Variants in PTPN3 observed in about 807,000 individuals in gnomAD.
The protein encoded by PTPN3 is protein tyrosine phosphatase non-receptor type 3.
PTPN3 carries 96 observed loss-of-function variants against 132.7 expected under a neutral mutation model. The observed-to-expected ratio is 0.72, with a 90% CI of 0.61 to 0.86. The LOEUF is 0.86. PTPN3 is among the 40% of genes least tolerant of loss of function. PTPN3 has a pLI of 0.00. For missense variants in PTPN3, 1,125 were observed against 1,159.6 expected, an observed-to-expected ratio of 0.97 and a Z score of 0.43; for synonymous variants, 398 against 429.0, an observed-to-expected ratio of 0.93 and a Z score of 0.89.
chr9:109,396,620 G>A (rs1351234253), intron 19 of PTPN3, among the ~76,000 whole-genome samples: 1 of 152,156 alleles, frequency 6.6e-6, no homozygotes, highest in Non-Finnish European at 1.5e-5. Flanking sequence ...TTCTATCAGA[G>A]TATAGTTATA....
intron 1 of PTPN3, among the ~76,000 whole-genome samples, chr9:109,484,430 G>A (rs1172442946): frequency 6.6e-6 from 1 of 152,220 alleles, no homozygotes; most frequent in East Asian, 1.9e-4. Flanking sequence ...TGTGCTGAGA[G>A]CTAACACTGA....
intron 1 of PTPN3, among the ~76,000 whole-genome samples, chr9:109,488,372 T>C (rs1489720885): frequency 6.6e-6 from 1 of 152,168 alleles, no homozygotes; most frequent in Non-Finnish European, 1.5e-5. Flanking sequence ...AGTGCTAGGA[T>C]TACAGGCATG....
chr9:109,512,305 G>C, the PTPN3 span, among the ~76,000 whole-genome samples: 1 of 152,040 alleles, frequency 6.6e-6, no homozygotes, highest in Non-Finnish European at 1.5e-5. Flanking sequence ...GAAGCTCCTG[G>C]GTGCAGCTGG....
At chr9:109,486,841 C>T (rs1374263094) in intron 1 of PTPN3, among the ~76,000 whole-genome samples, 1 of 152,088 alleles carries the variant, frequency 6.6e-6, no homozygotes, top group Admixed American at 6.5e-5. Context: ...ATAGTGAGTT[C>T]TCACGAGATC....
chr9:109,502,865 T>G (rs2132143311), upstream of PTPN3, among the ~76,000 whole-genome samples: 1 of 152,334 alleles, frequency 6.6e-6, no homozygotes, highest in East Asian at 1.9e-4. Flanking sequence ...TGTATTTCAA[T>G]TTAATGCATA....
chr9:109,399,715 G>C (rs73654240), intron 19 of PTPN3, among the ~76,000 whole-genome samples: 40 of 151,724 alleles, frequency 2.6e-4, no homozygotes, highest in African/African-American at 9.2e-4. Flanking sequence ...TCTCGCAGAA[G>C]GGAATTAAGG....
At chr9:109,508,826 C>T in the PTPN3 span, among the ~76,000 whole-genome samples, 367 of 147,784 alleles carry the variant, frequency 2.5e-3, no homozygotes, top group Non-Finnish European at 4.1e-3. Flanking sequence ...AAATTTCTTG[C>T]CTATGTGTAA....
the PTPN3 span, among the ~76,000 whole-genome samples, chr9:109,518,824 T>C: frequency 6.6e-6 from 1 of 152,138 alleles, no homozygotes; most frequent in Non-Finnish European, 1.5e-5. Context: ...GGGCCACAGT[T>C]TCCTCATTCC....
chr9:109,515,519 G>T, the PTPN3 span, among the ~76,000 whole-genome samples: 1 of 152,192 alleles, frequency 6.6e-6, no homozygotes, highest in African/African-American at 2.4e-5. Flanking sequence ...CAGCCCGAAA[G>T]AGCCCAACTG....
At position 109,399,694 on chromosome 9, in the gene PTPN3, T is replaced by C. The variant is rs1242161866; in HGVS notation, c.1953+4754A>G. Among the ~76,000 whole-genome samples, 4 of 149,978 alleles carry C rather than the reference T, an allele frequency of 2.7e-5. No individual in the cohort carries two copies. In the East Asian group the frequency reaches 7.8e-4, roughly 29 times the overall value. On this transcript the variant is annotated intron_variant, in intron 19 of 25. Coordinates refer to ENST00000374541, the MANE Select transcript of PTPN3 (RefSeq NM_002829.4). Reference sequence around the variant, plus strand: ...AAAAATGCTCCAAAGCAAGCACTGATAGAAACCAGCTCTCGCAGAAGGGAA... The same window carrying C: ...AAAAATGCTCCAAAGCAAGCACTGACAGAAACCAGCTCTCGCAGAAGGGAA...
chr9:109,478,764 A>T (rs1479399352), intron 1 of PTPN3, among the ~76,000 whole-genome samples: 2 of 152,216 alleles, frequency 1.3e-5, no homozygotes, highest in African/African-American at 4.8e-5. Flanking sequence ...ATGGGAAGCC[A>T]TTCCCTGAGC....
At position 109,408,790 on chromosome 9, in the gene PTPN3, A is replaced by AT. The variant is rs1293697190; in HGVS notation, c.1579-414_1579-413insA. Among the ~76,000 whole-genome samples the AT allele has an allele frequency of 2.2e-3, 128 of 59,210 alleles. 3 individuals are homozygous for AT. The highest frequency in any genetic ancestry group is 0.016 in the East Asian group (45 of 2,780). The allele number at this position is 59,210 out of a possible 152,430, so 38.8% of individuals were successfully genotyped here. On this transcript the variant is annotated intron_variant, in intron 16 of 25. Coordinates refer to ENST00000374541, the MANE Select transcript of PTPN3 (RefSeq NM_002829.4). ...TAGAACTTATAATAATTAAAAAAAAAAAAAAAATATATATATATATATATA... is the reference window on the plus strand; with the variant it reads ...TAGAACTTATAATAATTAAAAAAAAATAAAAAAATATATATATATATATATA...
chr9:109,531,630 A>T, the PTPN3 span, among the ~76,000 whole-genome samples: 1 of 152,210 alleles, frequency 6.6e-6, no homozygotes, highest in South Asian at 2.1e-4. Context: ...TTTGAGAATG[A>T]GATAATGTAT....
intron 2 of PTPN3, among the ~76,000 whole-genome samples, chr9:109,458,701 C>A (rs1230152164): frequency 6.6e-6 from 1 of 152,156 alleles, no homozygotes; most frequent in African/African-American, 2.4e-5. Context: ...ACCTCCTGCT[C>A]CTTCTACCCA....
At chr9:109,448,750 A>T in intron 6 of PTPN3, 61 bp downstream of exon 6, 2 of 1,452,108 alleles carry the variant, frequency 1.4e-6, no homozygotes, top group Non-Finnish European at 1.9e-6. Context: ...AACACTCATT[A>T]GATTAAAACC....
chr9:109,433,937 A>T (rs1474941176), intron 9 of PTPN3, among the ~76,000 whole-genome samples: 8 of 151,540 alleles, frequency 5.3e-5, no homozygotes, highest in African/African-American at 1.9e-4. Flanking sequence ...AAAAAAAAAA[A>T]AAAAAAGCGT....
the PTPN3 span, among the ~76,000 whole-genome samples, chr9:109,537,460 A>G: frequency 5.3e-3 from 806 of 152,336 alleles, 6 homozygotes; most frequent in African/African-American, 0.019. Context: ...AAAGCTGAAC[A>G]TGTGAGTGGG....
intron 1 of PTPN3, among the ~76,000 whole-genome samples, chr9:109,494,481 G>A (rs189461305): frequency 3.5e-4 from 53 of 152,250 alleles, no homozygotes; most frequent in Non-Finnish European, 6.2e-4. Context: ...GAATCACCAC[G>A]CCTATGATCC....
chr9:109,396,036 A>T (rs1162614804), intron 19 of PTPN3, among the ~76,000 whole-genome samples: 1 of 151,858 alleles, frequency 6.6e-6, no homozygotes, highest in Non-Finnish European at 1.5e-5. Context: ...TAATTTTAGT[A>T]TTTTTAGTAC....
Sources: gnomAD v4.1 joint callset for allele counts (sites outside exome capture counted in the v4.1 genomes callset) on GRCh38, gnomAD v4.1.1 for gene constraint, MANE v1.5 for transcripts, NCBI Gene and HGNC (gene_info 2026-07-23, HGNC 2026-07-21) for gene names.